The following GALNT14 variants were observed in gnomAD, a reference collection of about 807,000 sequenced individuals.
GALNT14 encodes the protein polypeptide N-acetylgalactosaminyltransferase 14, also known as UDP-GalNAc:polypeptide N-acetylgalactosaminyltransferase 14.
Under a neutral mutation model 77.5 loss-of-function variants are expected in GALNT14, and 60 were observed. The observed-to-expected ratio is 0.77, with a 90% CI of 0.63 to 0.96. The LOEUF (loss-of-function observed/expected upper bound fraction) is 0.96. GALNT14 is among the 40% of genes least tolerant of loss of function. GALNT14 has a pLI of 0.00. For missense variants in GALNT14, 710 were observed against 731.0 expected (o/e 0.97, Z 0.33); for synonymous variants, 280 against 281.7 (o/e 0.99, Z 0.06).
chr2:31,133,193 C>T (rs72856367), intron 1 of GALNT14, among the ~76,000 whole-genome samples: 4 of 152,124 alleles, frequency 2.6e-5, no homozygotes, highest in Non-Finnish European at 4.4e-5. Context: ...TCAGCCACTC[C>T]GCGTGTATTA....
In GALNT14 at chr2:31,111,364, A is replaced by C. The variant is rs141073640; in HGVS notation, c.129+26594T>G. Among the ~76,000 whole-genome samples, 15 of 152,354 alleles carry C rather than the reference A, an allele frequency of 9.8e-5. No individual in the cohort carries two copies. In the East Asian group the frequency reaches 2.9e-3, roughly 29 times the overall value. On this transcript the variant is annotated intron_variant, in intron 1 of 14. Coordinates refer to ENST00000349752, the MANE Select transcript of GALNT14 (RefSeq NM_024572.4). ...CTTAGGCTTCGTTGCCATAATGCTGAGCACAGCACTGGACACACAGCAGAT... is the reference window on the plus strand; with the variant it reads ...CTTAGGCTTCGTTGCCATAATGCTGCGCACAGCACTGGACACACAGCAGAT...
chr2:31,051,019 C>T (rs889611565), intron 1 of GALNT14, among the ~76,000 whole-genome samples: 5 of 152,036 alleles, frequency 3.3e-5, no homozygotes, highest in Non-Finnish European at 1.5e-5. Flanking sequence ...TGCGCCACCT[C>T]GGAGAAACCA....
chr2:31,114,871 G>C (rs745758279), intron 1 of GALNT14: 1 of 711,036 alleles, frequency 1.4e-6, no homozygotes, highest in African/African-American at 1.8e-5. Context: ...GCTCCAAACA[G>C]AGAGAACAGG....
intron 1 of GALNT14, among the ~76,000 whole-genome samples, chr2:31,032,364 G>A (rs1482011905): frequency 6.6e-6 from 1 of 152,226 alleles, no homozygotes; most frequent in East Asian, 1.9e-4. Flanking sequence ...TGGAAGAGTT[G>A]TTGGGAGGGA....
chr2:30,994,007 C>T (rs1669873513), intron 1 of GALNT14, among the ~76,000 whole-genome samples: 1 of 152,244 alleles, frequency 6.6e-6, no homozygotes, highest in South Asian at 2.1e-4. Context: ...ATTTGGTGGT[C>T]ACTTCCCAAT....
chr2:30,970,613 G>A (rs1407073695), intron 2 of GALNT14, among the ~76,000 whole-genome samples: 1 of 152,018 alleles, frequency 6.6e-6, no homozygotes, highest in Non-Finnish European at 1.5e-5. Context: ...CCTAAACTGG[G>A]CCCACCTTAC....
At chr2:31,027,231 T>C (rs918317917) in intron 1 of GALNT14, among the ~76,000 whole-genome samples, 5 of 152,098 alleles carry the variant, frequency 3.3e-5, no homozygotes, top group African/African-American at 1.2e-4. Flanking sequence ...CAGGAGTTTG[T>C]GACTAGCCTG....
At chr2:31,017,840 A>G (rs774733674) in intron 1 of GALNT14, among the ~76,000 whole-genome samples, 13 of 152,284 alleles carry the variant, frequency 8.5e-5, no homozygotes, top group African/African-American at 1.2e-4. Context: ...TTTAATGATC[A>G]GCTTTTGCCA....
chr2:31,027,427 C>CAAAAAA (rs539336965), intron 1 of GALNT14, among the ~76,000 whole-genome samples: 1 of 58,818 alleles, frequency 1.7e-5, no homozygotes, highest in Non-Finnish European at 4.4e-5. Context: ...CAAAACAAAG[C>CAAAAAA]AAAAAAAAAA....
chr2:31,012,693 A>G (rs1410756710), intron 1 of GALNT14, among the ~76,000 whole-genome samples: 3 of 152,166 alleles, frequency 2.0e-5, no homozygotes, highest in African/African-American at 7.2e-5. Context: ...CTGCATGGCA[A>G]TGATGCAAAC....
intron 13 of GALNT14, among the ~76,000 whole-genome samples, chr2:30,916,922 C>T (rs1664715133): frequency 6.6e-6 from 1 of 151,638 alleles, no homozygotes; most frequent in African/African-American, 2.4e-5. Context: ...ACCAAATATA[C>T]AAAAATTAGC....
At chr2:31,101,232 T>C (rs10865087) in intron 1 of GALNT14, among the ~76,000 whole-genome samples, 75,989 of 151,806 alleles carry the variant, frequency 0.5, 19,573 homozygotes, top group African/African-American at 0.58. Context: ...CATATATGCA[T>C]TCCAAGAATA....
At chr2:31,007,145 C>T (rs1037183287) in intron 1 of GALNT14, among the ~76,000 whole-genome samples, 1 of 152,122 alleles carries the variant, frequency 6.6e-6, no homozygotes, top group South Asian at 2.1e-4. Flanking sequence ...CCCGAGTATC[C>T]AGACGCTGTG....
intron 9 of GALNT14, among the ~76,000 whole-genome samples, chr2:30,935,113 G>A (rs1355238178): frequency 6.6e-6 from 1 of 152,216 alleles, no homozygotes; most frequent in Non-Finnish European, 1.5e-5. Context: ...CAGGCAGGCA[G>A]TAGCTGATTA....
At chr2:30,958,087 C>G (rs1261350325) in intron 4 of GALNT14, among the ~76,000 whole-genome samples, 1 of 152,138 alleles carries the variant, frequency 6.6e-6, no homozygotes, top group Admixed American at 6.5e-5. Flanking sequence ...TGTGTCATGG[C>G]CAGGTGACAG....
chr2:31,089,822 C>T (rs1676641717), intron 1 of GALNT14, among the ~76,000 whole-genome samples: 1 of 152,096 alleles, frequency 6.6e-6, no homozygotes, highest in South Asian at 2.1e-4. Flanking sequence ...CCAAAGCTAC[C>T]ATGCAGACCT....
the GALNT14 span, among the ~76,000 whole-genome samples, chr2:30,891,579 G>A: frequency 1.3e-5 from 2 of 152,220 alleles, no homozygotes; most frequent in African/African-American, 4.8e-5. Context: ...AGCTTCATGT[G>A]CAAATGCAGT....
intron 13 of GALNT14, among the ~76,000 whole-genome samples, chr2:30,921,833 G>T (rs1665050577): frequency 6.6e-6 from 1 of 152,186 alleles, no homozygotes; most frequent in South Asian, 2.1e-4. Flanking sequence ...TGAGTTGTGT[G>T]GTGGGGAGGT....
intron 1 of GALNT14, among the ~76,000 whole-genome samples, chr2:31,025,343 C>G (rs1355040317): frequency 2.0e-5 from 3 of 152,156 alleles, no homozygotes; most frequent in Admixed American, 2.0e-4. Context: ...TGAGCAGGGT[C>G]TGGATCTCAT....
Sources: gnomAD v4.1 joint callset for allele counts (sites outside exome capture counted in the v4.1 genomes callset) on GRCh38, gnomAD v4.1.1 for gene constraint, MANE v1.5 for transcripts, NCBI Gene and HGNC (gene_info 2026-07-23, HGNC 2026-07-21) for gene names.